MGAM: variants seen among roughly 807,000 people sequenced by gnomAD.
The protein encoded by MGAM is alpha-1,4-glucosidase.
Under a neutral mutation model 358.8 loss-of-function variants are expected in MGAM, and 253 were observed. That is an observed-to-expected ratio of 0.71 (90% CI 0.64 to 0.78). MGAM has a LOEUF of 0.78. Among genes scored for constraint, MGAM ranks in the 30% least tolerant of loss-of-function variants. The pLI is 0.00. For synonymous variants in MGAM, 1,105 were observed against 1,227.1 expected (o/e 0.90, Z 2.08); for missense variants, 3,080 against 3,432.6 (o/e 0.90, Z 2.57).
At chr7:142,089,676 A>T (rs1815182558) in intron 57 of MGAM, among the ~76,000 whole-genome samples, 1 of 145,052 alleles carries the variant, frequency 6.9e-6, no homozygotes, top group African/African-American at 2.4e-5. Flanking sequence ...CTGTAATCCC[A>T]CTTAGGAGGC....
At chr7:142,012,625 G>A (rs562696944) in intron 3 of MGAM, among the ~76,000 whole-genome samples, 24 of 152,246 alleles carry the variant, frequency 1.6e-4, no homozygotes, top group African/African-American at 5.8e-4. Flanking sequence ...CAAACTTAGT[G>A]GTTTGCAGCA....
At chr7:142,032,732 T>C in intron 13 of MGAM, 93 bp from the exon 14 acceptor site, 1 of 738,806 alleles carries the variant, frequency 1.4e-6, no homozygotes, top group South Asian at 1.9e-5. Context: ...ATATCTGGAA[T>C]AATTTATCTG....
At chr7:142,000,480 A>G (rs1002097715) in intron 1 of MGAM, among the ~76,000 whole-genome samples, 2 of 152,208 alleles carry the variant, frequency 1.3e-5, no homozygotes, top group East Asian at 1.9e-4. Context: ...TCCACATCCT[A>G]TCTGTTGAAA....
intron 21 of MGAM, among the ~76,000 whole-genome samples, chr7:142,045,605 A>AAT (rs375458844): frequency 4.3e-4 from 46 of 107,716 alleles, no homozygotes; most frequent in African/African-American, 1.1e-3. Context: ...ATGAATATAT[A>AAT]ATATATATTA....
intron 3 of MGAM, among the ~76,000 whole-genome samples, chr7:142,011,690 C>A (rs1290759838): frequency 6.6e-6 from 1 of 152,238 alleles, no homozygotes; most frequent in Non-Finnish European, 1.5e-5. Context: ...ACTCATTAAA[C>A]GTTCGATTAA....
At chr7:142,023,219 C>T (rs1313162422) in intron 7 of MGAM, among the ~76,000 whole-genome samples, 1 of 151,514 alleles carries the variant, frequency 6.6e-6, no homozygotes, top group African/African-American at 2.4e-5. Flanking sequence ...TGTCACCATG[C>T]CTGGCCAAAT....
Position 142,076,639 on chromosome 7 carries a change from T to C in MGAM, c.5326-20T>C. The C allele has an allele frequency of 1.3e-6, 2 of 1,504,640 alleles. No homozygotes were observed. The highest frequency in any genetic ancestry group is 1.3e-5 in the African/African-American group (1 of 74,256). 93.2% of individuals were successfully genotyped at this position (1,504,640 alleles called of 1,614,324 possible). The stretch of plus-strand genomic sequence containing the variant: ...TTACAGGCATACCTTTATGCATAAT[T>C]GGAGTTAATTGTTTTGCAGAACCAC... On this transcript the variant is annotated intron_variant, in intron 46 of 70. Transcript: ENST00000475668.
chr7:141,989,110 A>T (rs1397254777), intron 2 of MGAM, among the ~76,000 whole-genome samples: 1 of 146,818 alleles, frequency 6.8e-6, no homozygotes, highest in Non-Finnish European at 1.5e-5. Flanking sequence ...GTGTGTGTGT[A>T]TGAGTATGTG....
At chr7:141,993,528 TG>T (rs376877122), upstream of MGAM, among the ~76,000 whole-genome samples, 40 of 152,318 alleles carry the variant, frequency 2.6e-4, no homozygotes, top group African/African-American at 9.1e-4. Context: ...AGATAACTCT[TG>T]GAGTATCACA....
intron 22 of MGAM, among the ~76,000 whole-genome samples, chr7:142,049,355 G>A (rs1055647872): frequency 6.6e-6 from 1 of 152,094 alleles, no homozygotes; most frequent in Non-Finnish European, 1.5e-5. Context: ...GCTCCTAGAA[G>A]AACACAGGAA....
chr7:142,017,354 C>T (rs1398660436), intron 3 of MGAM, among the ~76,000 whole-genome samples: 1 of 152,082 alleles, frequency 6.6e-6, no homozygotes, highest in Non-Finnish European at 1.5e-5. Flanking sequence ...TCTGTAGTTT[C>T]TTTCTAAATC....
At chr7:142,041,927 TA>T (rs1263600744) in intron 21 of MGAM, among the ~76,000 whole-genome samples, 32,447 of 62,822 alleles carry the variant, frequency 0.52, 9,672 homozygotes, top group Admixed American at 0.58. Context: ...GTATAATATA[TA>T]ATATATATAT....
At chr7:141,993,158 GATATACAT>G (rs1554447698), upstream of MGAM, among the ~76,000 whole-genome samples, 14 of 152,174 alleles carry the variant, frequency 9.2e-5, no homozygotes, top group Non-Finnish European at 1.6e-4. Context: ...TTTTCCAGAT[GATATACAT>G]GGTTTATAAA....
intron 21 of MGAM, among the ~76,000 whole-genome samples, chr7:142,045,478 T>G (rs1163980275): frequency 1.8e-5 from 2 of 111,744 alleles, no homozygotes; most frequent in African/African-American, 3.8e-5. Flanking sequence ...ATATATTATA[T>G]ATACATACAA....
chr7:142,082,584 A>G lies in MGAM; in HGVS notation c.6268+13A>G. 1.3e-6 allele frequency: 2 copies of G among 1,484,306 alleles called. 1 individual carries two copies. Among genetic ancestry groups the G allele is most frequent in the Non-Finnish European group, 1.8e-6 (2 of 1,088,930 alleles). 91.9% of individuals were successfully genotyped at this position (1,484,306 alleles called of 1,614,324 possible). On this transcript the variant is annotated intron_variant, in intron 52 of 70. Transcript: ENST00000475668. ...AGCAATGCCATGGGTAAGGCCATCC[A>G]GCGCCTCCCTTATTTTGGGGGGATA... is the stretch of plus-strand genomic sequence containing the variant.
At chr7:142,011,839 G>A (rs1411809464) in intron 3 of MGAM, among the ~76,000 whole-genome samples, 1 of 152,132 alleles carries the variant, frequency 6.6e-6, no homozygotes, top group Non-Finnish European at 1.5e-5. Context: ...GGCAGAGGTG[G>A]CAACTTTGTT....
intron 47 of MGAM, among the ~76,000 whole-genome samples, 156 bp downstream of exon 47, chr7:142,076,982 A>G (rs10259247): frequency 0.35 from 50,599 of 143,682 alleles, 13,371 homozygotes; most frequent in Middle Eastern, 0.49. Context: ...TTTTTTGGGG[A>G]AAAAAATGAG....
intron 3 of MGAM, among the ~76,000 whole-genome samples, chr7:142,016,157 C>CA (rs2128991307): frequency 1.3e-5 from 2 of 152,174 alleles, no homozygotes; most frequent in East Asian, 3.9e-4. Flanking sequence ...CCTTCTCTCT[C>CA]TTTTAAGTGT....
At chr7:142,022,786 A>G (rs1389947338) in intron 7 of MGAM, among the ~76,000 whole-genome samples, 1 of 152,216 alleles carries the variant, frequency 6.6e-6, no homozygotes, top group Non-Finnish European at 1.5e-5. Flanking sequence ...GATATTATTA[A>G]TATCTGTACT....
Sources: allele counts gnomAD v4.1 joint callset (sites outside exome capture counted in the v4.1 genomes callset), GRCh38; gene constraint gnomAD v4.1.1; transcripts MANE v1.5; gene names NCBI Gene and HGNC (gene_info 2026-07-23, HGNC 2026-07-21).